Variants in FAM53B observed in about 807,000 individuals in gnomAD.
The protein encoded by FAM53B is family with sequence similarity 53 member B.
FAM53B carries 12 observed loss-of-function variants against 32.7 expected under a neutral mutation model. That is an observed-to-expected ratio of 0.37 (90% CI 0.24 to 0.59). The LOEUF is 0.59. Ranked by LOEUF, FAM53B falls within the 20% of genes least tolerant of loss-of-function variation. The pLI is 0.72. For missense variants in FAM53B, 477 were observed against 577.7 expected, an observed-to-expected ratio of 0.83 and a Z score of 1.79; for synonymous variants, 234 against 228.7, an observed-to-expected ratio of 1.02 and a Z score of -0.21.
At chr10:124,634,219 C>T (rs1589731756) in intron 4 of FAM53B, among the ~76,000 whole-genome samples, 1 of 152,148 alleles carries the variant, frequency 6.6e-6, no homozygotes, top group East Asian at 1.9e-4. Flanking sequence ...TATTATTTGG[C>T]CATAAAAAGA....
At chr10:124,657,559 C>G (rs1320893966) in intron 4 of FAM53B, among the ~76,000 whole-genome samples, 3 of 152,150 alleles carry the variant, frequency 2.0e-5, no homozygotes, top group Non-Finnish European at 4.4e-5. Flanking sequence ...TTTTACATTT[C>G]CAAACTATAT....
Position 124,682,951 on chromosome 10 carries a change from G to T in FAM53B, c.134-572C>A, listed in dbSNP as rs565874204. On this transcript the variant is annotated intron_variant, in intron 3 of 4. Transcript: ENST00000337318. This position sits in a 1 kb window ranked among gnomAD's most constrained non-coding sequence, Gnocchi z 5.2. ...ACCTTGAAAGCCTTTGCTGATAATA[G>T]AAGCTGGAACTTGTACTGATTTAGG... 2.6e-5 allele frequency among the ~76,000 whole-genome samples: 4 copies of T among 152,360 alleles called. No homozygotes were observed. In the South Asian group the frequency reaches 8.3e-4, roughly 32 times the overall value.
intron 4 of FAM53B, among the ~76,000 whole-genome samples, chr10:124,647,087 G>A (rs1454426719): frequency 3.3e-5 from 5 of 152,300 alleles, no homozygotes; most frequent in South Asian, 2.1e-4. Context: ...ACTGGTGAGC[G>A]GCACACACTG....
rs1433564193 is a variant in FAM53B at position 124,677,372 on chromosome 10, A to G, written c.906+4235T>C. 2.6e-5 allele frequency among the ~76,000 whole-genome samples: 4 copies of G among 152,338 alleles called. No individual in the cohort carries two copies. The East Asian group carries it at 7.7e-4, about 29-fold the overall frequency. ...AAAGGAAGGCTGCAGCCTCACAGAGAACACCAGCCAGGAGGGCCAAAAACA... is the reference window on the plus strand; with the variant it reads ...AAAGGAAGGCTGCAGCCTCACAGAGGACACCAGCCAGGAGGGCCAAAAACA... On this transcript the variant is annotated intron_variant, in intron 4 of 4. Coordinates refer to ENST00000337318, the MANE Select transcript of FAM53B (RefSeq NM_014661.4).
At chr10:124,631,026 G>C (rs1949387399) in intron 4 of FAM53B, among the ~76,000 whole-genome samples, 1 of 152,224 alleles carries the variant, frequency 6.6e-6, no homozygotes, top group East Asian at 1.9e-4. Context: ...TGGTGCCAGA[G>C]CCAGGTATGC....
At position 124,642,074 on chromosome 10, in the gene FAM53B, G is replaced by A. The variant is rs548553970; in HGVS notation, c.907-18470C>T. On this transcript the variant is annotated intron_variant, in intron 4 of 4. Transcript: ENST00000337318. ...GTGCATACATGCCCACCCTGAGAAC[G>A]TGAGTGTTCCTCGAGGAAGAATAAG... is the stretch of plus-strand genomic sequence containing the variant. Among the ~76,000 whole-genome samples, 16 of 152,356 alleles carry A rather than the reference G, an allele frequency of 1.1e-4. No homozygotes were observed. The Middle Eastern group carries it at 0.01, about 98-fold the overall frequency.
chr10:124,671,613 G>A (rs1028023346), intron 4 of FAM53B, among the ~76,000 whole-genome samples: 9 of 152,216 alleles, frequency 5.9e-5, no homozygotes, highest in African/African-American at 2.2e-4. Context: ...ACTACTCCAT[G>A]AGGAGTAAAT....
intron 4 of FAM53B, among the ~76,000 whole-genome samples, chr10:124,649,356 T>C (rs1949540810): frequency 6.6e-6 from 1 of 152,200 alleles, no homozygotes; most frequent in African/African-American, 2.4e-5. Flanking sequence ...CTTGGCACCC[T>C]CTGACCACCC....
chr10:124,664,038 A>G (rs1949650432), intron 4 of FAM53B, among the ~76,000 whole-genome samples: 1 of 152,204 alleles, frequency 6.6e-6, no homozygotes, highest in South Asian at 2.1e-4. Context: ...GGATGCCTCC[A>G]TGCTTTCCAG....
At chr10:124,659,444 T>G (rs904787105) in intron 4 of FAM53B, among the ~76,000 whole-genome samples, 10 of 152,210 alleles carry the variant, frequency 6.6e-5, no homozygotes, top group African/African-American at 2.4e-4. Flanking sequence ...TTGGTTACAG[T>G]AAGAACTTTC....
At chr10:124,654,954 T>A (rs1444546959) in intron 4 of FAM53B, among the ~76,000 whole-genome samples, 1 of 152,200 alleles carries the variant, frequency 6.6e-6, no homozygotes, top group Non-Finnish European at 1.5e-5. Flanking sequence ...AATGATTGCT[T>A]TGCCAACAGC....
chr10:124,690,498 C>T (rs1949826711), intron 3 of FAM53B, among the ~76,000 whole-genome samples: 1 of 152,234 alleles, frequency 6.6e-6, no homozygotes, highest in African/African-American at 2.4e-5. Flanking sequence ...GTGGCCATTC[C>T]CTGTCCTCTG....
rs1191537800 is a variant in FAM53B at position 124,620,557 on chromosome 10, G to C, written c.*2685C>G. On this transcript the variant is annotated 3_prime_UTR_variant, in exon 5 of 5. Coordinates refer to ENST00000337318, the MANE Select transcript of FAM53B (RefSeq NM_014661.4). ...GGGGCCATCATGCTGGTGGGGGTGA[G>C]CTGTCTGCCTGCTGCCCATGGGGAC... 2 of 152,442 alleles carry C rather than the reference G, an allele frequency of 1.3e-5. No homozygotes were observed. The highest frequency in any genetic ancestry group is 2.4e-5 in the African/African-American group (1 of 41,572). 9.4% of individuals were successfully genotyped at this position (152,442 alleles called of 1,614,324 possible). A position where few individuals can be genotyped will look rare whatever the true frequency, so the allele number is the denominator to read the frequency against.
At chr10:124,660,766 GC>G (rs1001647408) in intron 4 of FAM53B, among the ~76,000 whole-genome samples, 24 of 152,172 alleles carry the variant, frequency 1.6e-4, no homozygotes, top group African/African-American at 5.5e-4. Context: ...TTCTTAGAGA[GC>G]CAGAGAGTAA....
At chr10:124,706,275 CT>C (rs1949957416) in intron 2 of FAM53B, among the ~76,000 whole-genome samples, 1 of 152,122 alleles carries the variant, frequency 6.6e-6, no homozygotes, top group Admixed American at 6.5e-5. Flanking sequence ...TTATCTGGGC[CT>C]CCATTCAGGG....
chr10:124,710,202 T>C (rs1023397478), intron 1 of FAM53B, among the ~76,000 whole-genome samples: 2 of 152,208 alleles, frequency 1.3e-5, no homozygotes, highest in South Asian at 4.1e-4. Context: ...CCATACTCAA[T>C]GGAGACCTTA....
At chr10:124,736,180 G>T (rs924850866) in intron 1 of FAM53B, among the ~76,000 whole-genome samples, 1 of 152,258 alleles carries the variant, frequency 6.6e-6, no homozygotes, top group South Asian at 2.1e-4. Flanking sequence ...TAAAAACGCT[G>T]GGTGGCAGGA....
rs150633229 is a variant in FAM53B at position 124,670,771 on chromosome 10, C to A, written c.906+10836G>T. ...CCTCCAATCTAAAGCTGGCCACTTC[C>A]CATTCCACCTCCTCTCATCCTGCCT... is the stretch of plus-strand genomic sequence containing the variant. On this transcript the variant is annotated intron_variant, in intron 4 of 4. Coordinates refer to ENST00000337318, the MANE Select transcript of FAM53B (RefSeq NM_014661.4). Among the ~76,000 whole-genome samples the A allele has an allele frequency of 3.3e-3, 505 of 152,350 alleles. 5 individuals are homozygous for A. Among genetic ancestry groups the A allele is most frequent in the African/African-American group, 0.012 (489 of 41,580 alleles).
chr10:124,642,835 GCA>G lies in FAM53B; in HGVS notation c.907-19233_907-19232del, dbSNP rs1173158122. 5.3e-5 allele frequency among the ~76,000 whole-genome samples: 8 copies of G among 152,318 alleles called. No homozygotes were observed. In the South Asian group the frequency reaches 1.0e-3, roughly 20 times the overall value. ...CTAGGAGAAACCTCTTGAAGCTGCA[GCA>G]CACGGCTCTCTGGCAGTCCGGCAAG... On this transcript the variant is annotated intron_variant, in intron 4 of 4. Coordinates refer to ENST00000337318, the MANE Select transcript of FAM53B (RefSeq NM_014661.4).
Sources: allele counts gnomAD v4.1 joint callset (sites outside exome capture counted in the v4.1 genomes callset), GRCh38; gene constraint gnomAD v4.1.1; non-coding constraint Gnocchi (gnomAD v3.1); transcripts MANE v1.5; gene names NCBI Gene and HGNC (gene_info 2026-07-23, HGNC 2026-07-21).